CASP10: variants seen among roughly 807,000 people sequenced by gnomAD.
CASP10 encodes caspase 10, also known as caspase-10.
In CASP10, 41 loss-of-function variants were observed where a neutral mutation model predicts 48.5. The observed-to-expected ratio is 0.85, with a 90% CI of 0.66 to 1.10. The LOEUF (loss-of-function observed/expected upper bound fraction) is 1.10, where lower values mean the gene tolerates loss of function less well. Among genes scored for constraint, CASP10 ranks in the 50% least tolerant of loss-of-function variants. CASP10 has a pLI of 0.00. For missense variants in CASP10, 614 were observed against 614.5 expected (o/e 1.00, Z 0.01); for synonymous variants, 232 against 238.4 (o/e 0.97, Z 0.25).
chr2:201,224,279 A>T (rs928856684), downstream of CASP10, among the ~76,000 whole-genome samples: 176 of 152,170 alleles, frequency 1.2e-3, 1 homozygote, highest in Middle Eastern at 3.4e-3. Context: ...CCAAAAAAAA[A>T]TGGAACTCTT....
In CASP10 at chr2:201,186,189, C is replaced by T; in HGVS notation, c.347+65C>T. The T allele has an allele frequency of 6.6e-6, 8 of 1,219,280 alleles. No individual in the cohort carries two copies. The South Asian group carries it at 8.6e-5, about 13-fold the overall frequency. The allele number at this position is 1,219,280 out of a possible 1,614,324, so 75.5% of individuals were successfully genotyped here. Reference sequence around the variant, plus strand: ...TCTAGTGTTCATTCTGGCCATTGGGCTTTGAAAGGAAGCTGCAGTTAAGAT... The same window carrying T: ...TCTAGTGTTCATTCTGGCCATTGGGTTTTGAAAGGAAGCTGCAGTTAAGAT... On this transcript the variant is annotated intron_variant, in intron 2 of 9. Transcript: ENST00000286186.
intron 9 of CASP10, among the ~76,000 whole-genome samples, chr2:201,216,901 T>A (rs994580986): frequency 6.6e-6 from 1 of 152,220 alleles, no homozygotes; most frequent in African/African-American, 2.4e-5. Flanking sequence ...ATGCTATATG[T>A]CCTGCAAGCC....
chr2:201,212,327 A>G (rs542074206), intron 9 of CASP10: 1 of 152,224 alleles, frequency 6.6e-6, no homozygotes, highest in Admixed American at 6.5e-5. Context: ...GAAAACTCCC[A>G]CCACAACTAT....
rs755710677 is a variant in CASP10 at position 201,195,865 on chromosome 2, G to T, written c.601G>T (p.Val201Leu). 2.5e-6 allele frequency: 4 copies of T among 1,613,470 alleles called. No homozygotes were observed. The highest frequency in any genetic ancestry group is 3.4e-6 in the Non-Finnish European group (4 of 1,179,508). The change falls in exon 5 of 10, where the codon GTA (valine) becomes TTA (leucine). Residue 201 changes from valine (V) to leucine (L), a missense_variant. Coordinates refer to ENST00000286186, the MANE Select transcript of CASP10 (RefSeq NM_032977.4). Reference sequence around the variant, plus strand: ...AGCTATCCAGATAGTGACACCTCCTGTAGACAAGGAAGCCGAGTCGTATCA... The same window carrying T: ...AGCTATCCAGATAGTGACACCTCCTTTAGACAAGGAAGCCGAGTCGTATCA... ...EKAIQIVTPPVDKEAESYQGE... is the reference protein window; with the variant it reads ...EKAIQIVTPPLDKEAESYQGE...
At chr2:201,188,800 T>C (rs929864396) in intron 3 of CASP10, among the ~76,000 whole-genome samples, 12 of 152,150 alleles carry the variant, frequency 7.9e-5, no homozygotes, top group African/African-American at 2.9e-4. Context: ...TTTTCTTTGA[T>C]ATTAGCAACT....
At chr2:201,194,935 C>T (rs566450607) in intron 4 of CASP10, among the ~76,000 whole-genome samples, 5 of 151,958 alleles carry the variant, frequency 3.3e-5, no homozygotes, top group East Asian at 1.9e-4. Context: ...CCTGCCACCA[C>T]GCTCAGCTAA....
At chr2:201,187,125 C>T (rs1944442101) in intron 2 of CASP10, among the ~76,000 whole-genome samples, 2 of 152,188 alleles carry the variant, frequency 1.3e-5, no homozygotes, top group African/African-American at 4.8e-5. Flanking sequence ...CTTCCAGAAC[C>T]TGAGTTGCCC....
At chr2:201,186,904 T>G (rs2126006989) in intron 2 of CASP10, among the ~76,000 whole-genome samples, 1 of 152,226 alleles carries the variant, frequency 6.6e-6, no homozygotes, top group South Asian at 2.1e-4. Context: ...GCCAGGCTGG[T>G]CTGGAACTCC....
chr2:201,184,932 C>T (rs1944361603), intron 1 of CASP10, among the ~76,000 whole-genome samples: 1 of 152,144 alleles, frequency 6.6e-6, no homozygotes, highest in Admixed American at 6.5e-5. Flanking sequence ...ACTTCCTACA[C>T]TGATTTGAGC....
rs1945664710 is a variant in CASP10 at position 201,219,384 on chromosome 2, G to A, written c.*1643G>A. 1.1e-6 allele frequency: 1 copy of A among 941,856 alleles called. No individual in the cohort carries two copies. Among genetic ancestry groups the A allele is most frequent in the Non-Finnish European group, 1.3e-6 (1 of 790,378 alleles). The allele number at this position is 941,856 out of a possible 1,614,324, so 58.3% of individuals were successfully genotyped here. A position where few individuals can be genotyped will look rare whatever the true frequency, so the allele number is the denominator to read the frequency against. On this transcript the variant is annotated 3_prime_UTR_variant, in exon 10 of 10. Coordinates refer to ENST00000286186, the MANE Select transcript of CASP10 (RefSeq NM_032977.4). ...ATTGCCTCTTTCACATTGAAACCCA[G>A]GAGTGGATAACACTGGCTTCAGGCA... is the stretch of plus-strand genomic sequence containing the variant.
At position 201,186,635 on chromosome 2, in the gene CASP10, G is replaced by A. The variant is rs143957372; in HGVS notation, c.347+511G>A. ...TGGGAATCCAGAAAGGTAAAAACAG[G>A]CATTTTGCCCAAAGAGGTAAAATTT... On this transcript the variant is annotated intron_variant, in intron 2 of 9. Coordinates refer to ENST00000286186, the MANE Select transcript of CASP10 (RefSeq NM_032977.4). 1.6e-4 allele frequency among the ~76,000 whole-genome samples: 25 copies of A among 152,254 alleles called. No homozygotes were observed. In the East Asian group the frequency reaches 4.6e-3, roughly 28 times the overall value.
chr2:201,187,310 T>C (rs1944448077), intron 2 of CASP10, among the ~76,000 whole-genome samples: 1 of 152,134 alleles, frequency 6.6e-6, no homozygotes, highest in South Asian at 2.1e-4. Context: ...CTTTTCAATA[T>C]ACAACCGACT....
At chr2:201,193,408 A>T (rs1460100277) in intron 4 of CASP10, 1 of 357,336 alleles carries the variant, frequency 2.8e-6, no homozygotes, top group African/African-American at 2.1e-5. Flanking sequence ...GGGTTTCACT[A>T]TGTTGGCCAG....
chr2:201,203,224 G>C (rs915002384), intron 5 of CASP10, among the ~76,000 whole-genome samples: 1 of 151,952 alleles, frequency 6.6e-6, no homozygotes. Context: ...ATGTCACACT[G>C]TATTTTTGCC....
chr2:201,209,936 C>T (rs1437072784), intron 9 of CASP10, among the ~76,000 whole-genome samples: 2 of 152,126 alleles, frequency 1.3e-5, no homozygotes, highest in African/African-American at 2.4e-5. Flanking sequence ...AAGGGCATCC[C>T]CAGCTGGTAA....
At chr2:201,221,936 C>A (rs1200983590), downstream of CASP10, among the ~76,000 whole-genome samples, 1 of 152,194 alleles carries the variant, frequency 6.6e-6, no homozygotes, top group Non-Finnish European at 1.5e-5. Flanking sequence ...CATTCCTCCT[C>A]CGTAGGAGGG....
At position 201,195,237 on chromosome 2, in the gene CASP10, G is replaced by A. The variant is rs556668534; in HGVS notation, c.578-605G>A. 4.6e-5 allele frequency among the ~76,000 whole-genome samples: 7 copies of A among 152,074 alleles called. 1 individual carries two copies. In the South Asian group the frequency reaches 1.5e-3, roughly 32 times the overall value. ...CTCCTGAGTAGCTGGGATTACAGAT[G>A]CCCGCCACCATGCCCAGCTAATTTT... On this transcript the variant is annotated intron_variant, in intron 4 of 9. Coordinates refer to ENST00000286186, the MANE Select transcript of CASP10 (RefSeq NM_032977.4).
chr2:201,191,762 G>A (rs1229653609), intron 3 of CASP10, among the ~76,000 whole-genome samples: 8 of 152,156 alleles, frequency 5.3e-5, no homozygotes. Flanking sequence ...TCATAGAAAT[G>A]TAAGCAGTAT....
chr2:201,186,303 G>A (rs1944414547), intron 2 of CASP10, 179 bp downstream of exon 2: 4 of 604,376 alleles, frequency 6.6e-6, no homozygotes, highest in South Asian at 3.8e-5. Flanking sequence ...AGAGTTGGGA[G>A]GTCAGCAAAG....
Sources: gnomAD v4.1 joint callset for allele counts (sites outside exome capture counted in the v4.1 genomes callset) on GRCh38, gnomAD v4.1.1 for gene constraint, MANE v1.5 for transcripts, NCBI Gene and HGNC (gene_info 2026-07-23, HGNC 2026-07-21) for gene names.